The following PRKN variants were observed in gnomAD, a reference collection of about 807,000 sequenced individuals.
The protein encoded by PRKN is parkin RBR E3 ubiquitin protein ligase.
PRKN carries 56 observed loss-of-function variants against 59.5 expected under a neutral mutation model. That is an observed-to-expected ratio of 0.94 (90% CI 0.76 to 1.18). PRKN has a LOEUF of 1.18. PRKN is among the 50% of genes most tolerant of loss of function. The pLI is 0.00. For missense variants in PRKN, 657 were observed against 596.4 expected (o/e 1.10, Z -1.06); for synonymous variants, 250 against 222.1 (o/e 1.13, Z -1.12).
chr6:162,080,212 A>C (rs1466460543), intron 4 of PRKN, among the ~76,000 whole-genome samples: 2 of 152,176 alleles, frequency 1.3e-5, no homozygotes, highest in Non-Finnish European at 2.9e-5. Flanking sequence ...ACCTAAGTTC[A>C]AGATTCATTA....
chr6:162,722,059 A>G (rs1431927386), intron 1 of PRKN, among the ~76,000 whole-genome samples: 1 of 152,162 alleles, frequency 6.6e-6, no homozygotes, highest in African/African-American at 2.4e-5. Flanking sequence ...CCACCAATAT[A>G]AGCCTAATCA....
chr6:162,377,459 G>A (rs1786178791), intron 2 of PRKN, among the ~76,000 whole-genome samples: 2 of 152,160 alleles, frequency 1.3e-5, no homozygotes, highest in Non-Finnish European at 2.9e-5. Flanking sequence ...CCCTGACGGG[G>A]GCCACTCCTT....
At chr6:161,867,758 T>TG (rs1321883478) in intron 6 of PRKN, among the ~76,000 whole-genome samples, 4 of 149,588 alleles carry the variant, frequency 2.7e-5, no homozygotes, top group African/African-American at 9.9e-5. Context: ...TATTTATTTA[T>TG]TTATTTATTT....
rs1786517101 is a variant in PRKN at position 161,391,879 on chromosome 6, G to A, written c.1084-5002C>T. On this transcript the variant is annotated intron_variant, in intron 9 of 11. Transcript: ENST00000366898. The surrounding 1 kb of genome is among the most constrained non-coding windows in gnomAD (Gnocchi z 4.9). The stretch of plus-strand genomic sequence containing the variant: ...GATGGCCACTCTGTGGATTTAGGAG[G>A]TGCCTACCCAGCCCTGAAACCGTGT... 6.6e-6 allele frequency among the ~76,000 whole-genome samples: 1 copy of A among 151,902 alleles called. No individual in the cohort carries two copies. The highest frequency in any genetic ancestry group is 1.5e-5 in the Non-Finnish European group (1 of 68,004).
chr6:161,914,568 T>C (rs1484919155), intron 6 of PRKN, among the ~76,000 whole-genome samples: 1 of 151,930 alleles, frequency 6.6e-6, no homozygotes, highest in Non-Finnish European at 1.5e-5. Context: ...GAAAAAAAAA[T>C]TGTGAAATGC....
chr6:161,856,168 T>A (rs996852293), intron 6 of PRKN, among the ~76,000 whole-genome samples: 2 of 152,054 alleles, frequency 1.3e-5, no homozygotes, highest in Admixed American at 6.6e-5. Flanking sequence ...AAGACCAGCC[T>A]GGTCAACACG....
chr6:161,392,348 C>T (rs1469876809), intron 9 of PRKN, among the ~76,000 whole-genome samples: 1 of 151,740 alleles, frequency 6.6e-6, no homozygotes, highest in Non-Finnish European at 1.5e-5. Flanking sequence ...TGTGCCATTG[C>T]ACTCCAGCCT....
chr6:161,771,629 A>G (rs1025886952), intron 7 of PRKN, among the ~76,000 whole-genome samples: 3 of 152,166 alleles, frequency 2.0e-5, no homozygotes, highest in African/African-American at 7.2e-5. Flanking sequence ...AATATAAGAA[A>G]TATTATTTTT....
chr6:161,387,284 TAGTG>T (rs1370335250), intron 9 of PRKN, among the ~76,000 whole-genome samples: 16 of 152,238 alleles, frequency 1.1e-4, no homozygotes, highest in Non-Finnish European at 2.4e-4. Flanking sequence ...ATTCTTGTGA[TAGTG>T]AGTGAGTTCT....
chr6:162,144,553 A>G (rs763080339), intron 4 of PRKN, among the ~76,000 whole-genome samples: 3 of 152,154 alleles, frequency 2.0e-5, no homozygotes, highest in Non-Finnish European at 4.4e-5. Flanking sequence ...TGGCTTCCCT[A>G]CAATGTCTGC....
At chr6:161,956,161 G>C (rs916805544) in intron 6 of PRKN, among the ~76,000 whole-genome samples, 1 of 152,230 alleles carries the variant, frequency 6.6e-6, no homozygotes, top group Non-Finnish European at 1.5e-5. Flanking sequence ...AAGAAGTTGA[G>C]AGACTGGGGA....
intron 9 of PRKN, among the ~76,000 whole-genome samples, chr6:161,523,490 C>A (rs148523607): frequency 6.6e-6 from 1 of 152,108 alleles, no homozygotes; most frequent in South Asian, 2.1e-4. Context: ...CAGACAATGG[C>A]GATTCATATC....
chr6:161,916,162 G>T (rs1307997015), intron 6 of PRKN, among the ~76,000 whole-genome samples: 1 of 152,162 alleles, frequency 6.6e-6, no homozygotes, highest in Non-Finnish European at 1.5e-5. Context: ...ACAAGAAATT[G>T]TTAAGAAGAA....
chr6:162,082,195 A>G (rs1035804120), intron 4 of PRKN, among the ~76,000 whole-genome samples: 3 of 151,992 alleles, frequency 2.0e-5, no homozygotes, highest in Non-Finnish European at 4.4e-5. Flanking sequence ...TTGAAAGTGA[A>G]TGAGCCTCAA....
At chr6:161,952,250 T>C (rs970577903) in intron 6 of PRKN, among the ~76,000 whole-genome samples, 45 of 151,976 alleles carry the variant, frequency 3.0e-4, no homozygotes, top group Admixed American at 6.6e-4. Flanking sequence ...GATCACAGAG[T>C]AGCCAAAAAA....
chr6:162,205,598 CA>C (rs1784903009), intron 3 of PRKN, among the ~76,000 whole-genome samples: 1 of 151,996 alleles, frequency 6.6e-6, no homozygotes, highest in Non-Finnish European at 1.5e-5. Flanking sequence ...TGTAACAGAG[CA>C]AAACAGCAGG....
chr6:161,854,579 A>G (rs1346464676), intron 6 of PRKN, among the ~76,000 whole-genome samples: 1 of 152,158 alleles, frequency 6.6e-6, no homozygotes, highest in African/African-American at 2.4e-5. Context: ...ATATAACTGC[A>G]CTTACATACA....
At chr6:161,728,544 A>G (rs560637964) in intron 7 of PRKN, among the ~76,000 whole-genome samples, 2 of 152,196 alleles carry the variant, frequency 1.3e-5, no homozygotes, top group African/African-American at 2.4e-5. Flanking sequence ...CGTACTGTAC[A>G]AATTTGGGGG....
intron 4 of PRKN, among the ~76,000 whole-genome samples, chr6:162,136,967 A>G (rs2128309572): frequency 6.6e-6 from 1 of 151,986 alleles, no homozygotes; most frequent in Middle Eastern, 3.4e-3. Context: ...AAAAATAATT[A>G]AATATAATTT....
Sources: allele counts gnomAD v4.1 joint callset (sites outside exome capture counted in the v4.1 genomes callset), GRCh38; gene constraint gnomAD v4.1.1; non-coding constraint Gnocchi (gnomAD v3.1); transcripts MANE v1.5; gene names NCBI Gene and HGNC (gene_info 2026-07-23, HGNC 2026-07-21).